The following SLC25A21 variants were observed in gnomAD, a reference collection of about 807,000 sequenced individuals.
SLC25A21 encodes mitochondrial 2-oxodicarboxylate carrier.
A neutral mutation model predicts 43.8 loss-of-function variants in SLC25A21; 47 were observed. The ratio of observed to expected loss-of-function variants is 1.07; its 90% CI spans 0.85 to 1.37. SLC25A21 has a LOEUF of 1.37. Among genes scored for constraint, SLC25A21 ranks in the 40% most tolerant of loss-of-function variants. The pLI is 0.00. For missense variants in SLC25A21, 352 were observed against 350.2 expected (o/e 1.00, Z -0.04); for synonymous variants, 131 against 121.3 (o/e 1.08, Z -0.52).
chr14:36,877,505 A>G (rs1890572687), intron 1 of SLC25A21, among the ~76,000 whole-genome samples: 1 of 152,208 alleles, frequency 6.6e-6, no homozygotes, highest in Non-Finnish European at 1.5e-5. Context: ...ACAAACTTGC[A>G]CTGGTTGCCC....
intron 1 of SLC25A21, among the ~76,000 whole-genome samples, chr14:36,880,684 G>C (rs1482894012): frequency 1.3e-5 from 2 of 152,138 alleles, no homozygotes; most frequent in African/African-American, 4.8e-5. Flanking sequence ...TATTTATTCT[G>C]CATTTAATTC....
At chr14:36,711,710 C>T (rs902032645) in intron 6 of SLC25A21, among the ~76,000 whole-genome samples, 6 of 152,198 alleles carry the variant, frequency 3.9e-5, no homozygotes, top group South Asian at 2.1e-4. Context: ...AAAGAACAAA[C>T]GATTTTGATA....
At chr14:37,108,969 A>C (rs767096072) in intron 1 of SLC25A21, among the ~76,000 whole-genome samples, 1 of 151,512 alleles carries the variant, frequency 6.6e-6, no homozygotes, top group Non-Finnish European at 1.5e-5. Flanking sequence ...TTACTTTCCT[A>C]CTCCTCTTTA....
At chr14:36,829,187 C>G (rs936144999) in intron 2 of SLC25A21, among the ~76,000 whole-genome samples, 2 of 152,080 alleles carry the variant, frequency 1.3e-5, no homozygotes, top group African/African-American at 4.8e-5. Context: ...TGTGAGCCAC[C>G]GCACCTGGTC....
At chr14:36,874,896 GAC>G in intron 2 of SLC25A21, 58 bp downstream of exon 2, 2 of 1,445,292 alleles carry the variant, frequency 1.4e-6, no homozygotes, top group Non-Finnish European at 1.9e-6. Flanking sequence ...TTAGTGCTCT[GAC>G]AGATCTTAAT....
intron 1 of SLC25A21, among the ~76,000 whole-genome samples, chr14:37,028,183 A>G (rs1961134207): frequency 1.3e-5 from 2 of 152,138 alleles, no homozygotes; most frequent in African/African-American, 4.8e-5. Context: ...CTGAGCCCCA[A>G]AGAAGCCTAT....
chr14:36,826,340 C>T (rs1376411286), intron 2 of SLC25A21, among the ~76,000 whole-genome samples: 1 of 152,114 alleles, frequency 6.6e-6, no homozygotes, highest in Non-Finnish European at 1.5e-5. Context: ...CAGGCGAGTC[C>T]CTAGACTAAT....
chr14:36,957,272 C>A (rs938825352), intron 1 of SLC25A21, among the ~76,000 whole-genome samples: 2 of 152,144 alleles, frequency 1.3e-5, no homozygotes, highest in Non-Finnish European at 1.5e-5. Flanking sequence ...CAATGCAAAC[C>A]CAGGAAGACC....
chr14:37,068,090 A>AC (rs772180268), intron 1 of SLC25A21, among the ~76,000 whole-genome samples: 2 of 152,144 alleles, frequency 1.3e-5, no homozygotes, highest in African/African-American at 2.4e-5. Flanking sequence ...ACGTTTGCCA[A>AC]CCCCCGGACT....
chr14:36,822,078 AG>A (rs1304542493), intron 2 of SLC25A21, among the ~76,000 whole-genome samples: 1 of 152,192 alleles, frequency 6.6e-6, no homozygotes, highest in Non-Finnish European at 1.5e-5. Context: ...GAACAAACCA[AG>A]GTAGGGGACA....
chr14:36,740,493 A>T (rs1950357), intron 3 of SLC25A21, among the ~76,000 whole-genome samples: 1 of 152,046 alleles, frequency 6.6e-6, no homozygotes, highest in Non-Finnish European at 1.5e-5. Flanking sequence ...TAATTGTACT[A>T]CTTATGTACA....
At chr14:36,729,712 C>T (rs763536631) in intron 4 of SLC25A21, 146 bp from the exon 5 acceptor site, 67 of 627,082 alleles carry the variant, frequency 1.1e-4, no homozygotes, top group African/African-American at 5.7e-5. Flanking sequence ...AATCCTGTCT[C>T]GGGCAGTTGC....
chr14:37,016,567 A>G (rs1163146315), intron 1 of SLC25A21, among the ~76,000 whole-genome samples: 2 of 151,814 alleles, frequency 1.3e-5, no homozygotes, highest in Admixed American at 1.3e-4. Context: ...GGGCCTTAGG[A>G]TTTTCAAAAT....
At chr14:36,803,424 G>A (rs976602342) in intron 3 of SLC25A21, among the ~76,000 whole-genome samples, 2 of 152,066 alleles carry the variant, frequency 1.3e-5, no homozygotes, top group East Asian at 3.8e-4. Context: ...ATTTCAAAAT[G>A]TATGTTGACC....
chr14:36,944,841 C>T (rs1269980629), intron 1 of SLC25A21, among the ~76,000 whole-genome samples: 1 of 152,158 alleles, frequency 6.6e-6, no homozygotes, highest in African/African-American at 2.4e-5. Flanking sequence ...GGTCCACTGC[C>T]TGAAGCTGAC....
intron 1 of SLC25A21, among the ~76,000 whole-genome samples, chr14:36,909,198 G>A (rs193064442): frequency 3.2e-4 from 49 of 152,288 alleles, no homozygotes; most frequent in Admixed American, 2.7e-3. Context: ...CATGAAACCA[G>A]TAGGGACACT....
rs139415495 is a variant in SLC25A21 at position 36,770,134 on chromosome 14, G to A, written c.204-35561C>T. Among the ~76,000 whole-genome samples, 1,191 of 152,216 alleles carry A rather than the reference G, an allele frequency of 7.8e-3. 19 individuals are homozygous for A. The highest frequency in any genetic ancestry group is 0.027 in the African/African-American group (1,110 of 41,532). ...GGAGTCAACCTAAGTGTCCATCAATGGTGGACTGGATAAAGAAAATGTGGT... is the reference window on the plus strand; with the variant it reads ...GGAGTCAACCTAAGTGTCCATCAATAGTGGACTGGATAAAGAAAATGTGGT... On this transcript the variant is annotated intron_variant, in intron 3 of 9. Transcript: ENST00000331299.
chr14:36,782,676 T>C (rs1010936254), intron 3 of SLC25A21, among the ~76,000 whole-genome samples: 1 of 150,810 alleles, frequency 6.6e-6, no homozygotes. Flanking sequence ...TTAGGGGGAG[T>C]TCATTCTCAG....
rs2139140152 is a variant in SLC25A21 at position 36,684,792 on chromosome 14, T to G, written c.737A>C (p.Lys246Thr). 6.2e-7 allele frequency: 1 copy of G among 1,613,712 alleles called. No individual in the cohort carries two copies. The change falls in exon 8 of 10, where the codon AAG (lysine) becomes ACG (threonine). Residue 246 changes from lysine to threonine, a missense_variant. Transcript: ENST00000331299. ...QGPQPVPGEI[K>T]YRTCFKTMAT... ...CATTGTTTTAAAACAGGTTCTGTACTTGATCTCTCCAGGAACTGGTTGAGG... is the reference window on the plus strand; with the variant it reads ...CATTGTTTTAAAACAGGTTCTGTACGTGATCTCTCCAGGAACTGGTTGAGG...
Sources: gnomAD v4.1 joint callset for allele counts (sites outside exome capture counted in the v4.1 genomes callset) on GRCh38, gnomAD v4.1.1 for gene constraint, MANE v1.5 for transcripts, NCBI Gene and HGNC (gene_info 2026-07-23, HGNC 2026-07-21) for gene names.